The following ZNF521 variants were observed in gnomAD, a reference collection of about 807,000 sequenced individuals.
ZNF521 encodes zinc finger protein 521.
In ZNF521, 14 loss-of-function variants were observed where a neutral mutation model predicts 105.5. That is an observed-to-expected ratio of 0.13 (90% CI 0.09 to 0.21). The LOEUF is 0.21. Ranked by LOEUF, ZNF521 falls within the 10% of genes least tolerant of loss-of-function variation. ZNF521 has a pLI of 1.00. For synonymous variants in ZNF521, 635 were observed against 606.0 expected (o/e 1.05, Z -0.70); for missense variants, 1,233 against 1,629.7 (o/e 0.76, Z 4.19).
chr18:25,212,538 A>AAAAAAAAT (rs1555647923), intron 4 of ZNF521, among the ~76,000 whole-genome samples: 7 of 48,130 alleles, frequency 1.5e-4, no homozygotes, highest in Non-Finnish European at 1.9e-4. Flanking sequence ...AAAAAAAAAA[A>AAAAAAAAT]ATATATATAT....
At chr18:25,285,343 G>A (rs1600257544) in intron 3 of ZNF521, among the ~76,000 whole-genome samples, 1 of 152,148 alleles carries the variant, frequency 6.6e-6, no homozygotes, top group Non-Finnish European at 1.5e-5. Flanking sequence ...GAACCTCGGG[G>A]GACTCCAGCA....
chr18:25,345,797 A>G (rs1202610826), intron 2 of ZNF521, among the ~76,000 whole-genome samples: 1 of 152,228 alleles, frequency 6.6e-6, no homozygotes, highest in Non-Finnish European at 1.5e-5. Context: ...GGGAAGAAAC[A>G]GTCACTGGTT....
chr18:25,270,382 T>G (rs1001095655), intron 3 of ZNF521, among the ~76,000 whole-genome samples: 2 of 152,176 alleles, frequency 1.3e-5, no homozygotes, highest in South Asian at 4.1e-4. Context: ...TCTGAAACTA[T>G]TCCAAACAAT....
chr18:25,301,117 T>G (rs924322901), intron 3 of ZNF521, among the ~76,000 whole-genome samples: 2 of 152,214 alleles, frequency 1.3e-5, no homozygotes, highest in Admixed American at 1.3e-4. Flanking sequence ...ATACCCAGTT[T>G]TACGGTGTTT....
chr18:25,118,035 C>A (rs1207648524), intron 5 of ZNF521, among the ~76,000 whole-genome samples: 1 of 151,736 alleles, frequency 6.6e-6, no homozygotes, highest in Non-Finnish European at 1.5e-5. Context: ...AAAAACAAAC[C>A]CCAAACTCAT....
intron 5 of ZNF521, among the ~76,000 whole-genome samples, chr18:25,108,769 C>T (rs1456331315): frequency 2.7e-5 from 3 of 112,342 alleles, no homozygotes; most frequent in South Asian, 8.3e-4. Flanking sequence ...GGACTACAGG[C>T]GTGTGTCACC....
At chr18:25,330,426 A>C (rs2145173528) in intron 2 of ZNF521, among the ~76,000 whole-genome samples, 1 of 151,910 alleles carries the variant, frequency 6.6e-6, no homozygotes, top group Admixed American at 6.6e-5. Context: ...AGCTGCCCAA[A>C]GTGCTGGGAT....
intron 3 of ZNF521, among the ~76,000 whole-genome samples, chr18:25,290,594 A>G (rs1476370124): frequency 2.0e-5 from 3 of 150,160 alleles, no homozygotes; most frequent in Non-Finnish European, 4.4e-5. Flanking sequence ...TTTGATGCAC[A>G]GTAGGCCATA....
At chr18:25,209,673 C>G (rs1323886980) in intron 4 of ZNF521, among the ~76,000 whole-genome samples, 1 of 152,122 alleles carries the variant, frequency 6.6e-6, no homozygotes, top group Non-Finnish European at 1.5e-5. Context: ...CCAATTTTTA[C>G]TTGACTTAAA....
chr18:25,070,248 C>T (rs1483274872), intron 7 of ZNF521, among the ~76,000 whole-genome samples: 2 of 152,184 alleles, frequency 1.3e-5, no homozygotes, highest in African/African-American at 2.4e-5. Context: ...TCATACCTCC[C>T]ATAGGAAACA....
rs545133448 is a variant in ZNF521 at position 25,319,718 on chromosome 18, T to C, written c.220+2290A>G. Among the ~76,000 whole-genome samples the C allele has an allele frequency of 7.9e-5, 12 of 152,342 alleles. 1 individual carries two copies. The East Asian group carries it at 2.1e-3, about 27-fold the overall frequency. On this transcript the variant is annotated intron_variant, in intron 3 of 7. Coordinates refer to ENST00000361524, the MANE Select transcript of ZNF521 (RefSeq NM_015461.3). ...ATACAAAGAGAAAATGGTAACTTTA[T>C]AATGGAAACTGTTGGCAGATACCAC...
intron 5 of ZNF521, among the ~76,000 whole-genome samples, chr18:25,095,386 C>T (rs2033830376): frequency 6.6e-6 from 1 of 152,054 alleles, no homozygotes; most frequent in East Asian, 1.9e-4. Flanking sequence ...ATAATACAGC[C>T]TGACTCATTT....
chr18:25,332,133 A>T (rs1261644712), intron 2 of ZNF521, among the ~76,000 whole-genome samples: 2 of 151,946 alleles, frequency 1.3e-5, no homozygotes, highest in South Asian at 4.1e-4. Context: ...AACTGCCATT[A>T]AAAAGAAAAA....
intron 5 of ZNF521, among the ~76,000 whole-genome samples, chr18:25,183,389 C>A (rs1416433719): frequency 6.6e-6 from 1 of 152,162 alleles, no homozygotes; most frequent in East Asian, 1.9e-4. Flanking sequence ...ATGCTAACAG[C>A]ACTTTGACTT....
At chr18:25,116,963 GTATATATATGTA>G (rs1215645468) in intron 5 of ZNF521, among the ~76,000 whole-genome samples, 2 of 85,760 alleles carry the variant, frequency 2.3e-5, no homozygotes, top group African/African-American at 5.4e-5. Context: ...ATGTATATAT[GTATATATATGTA>G]TATATATATA....
chr18:25,231,689 T>C (rs1906538127), intron 3 of ZNF521, among the ~76,000 whole-genome samples: 1 of 151,862 alleles, frequency 6.6e-6, no homozygotes, highest in African/African-American at 2.4e-5. Context: ...AATTAGAAAA[T>C]AAGATCAAAG....
In ZNF521 at chr18:25,180,523, A is replaced by C. The variant is rs536667666; in HGVS notation, c.3658+14637T>G. Among the ~76,000 whole-genome samples the C allele has an allele frequency of 5.3e-5, 8 of 152,084 alleles. No individual in the cohort carries two copies. The East Asian group carries it at 5.8e-4, about 11-fold the overall frequency. ...GTTTTTATCTCTTGCAAAAAAAAAA[A>C]ACCCCACATTTATTTCCAATGCCTC... On this transcript the variant is annotated intron_variant, in intron 5 of 7. Coordinates refer to ENST00000361524, the MANE Select transcript of ZNF521 (RefSeq NM_015461.3).
At chr18:25,177,235 C>T (rs1479803250) in intron 5 of ZNF521, among the ~76,000 whole-genome samples, 2 of 152,054 alleles carry the variant, frequency 1.3e-5, no homozygotes, top group African/African-American at 4.8e-5. Context: ...GTATCTTTCC[C>T]TGAACTGAAG....
At chr18:25,176,770 G>C (rs1419999729) in intron 5 of ZNF521, among the ~76,000 whole-genome samples, 2 of 152,194 alleles carry the variant, frequency 1.3e-5, no homozygotes, top group African/African-American at 4.8e-5. Flanking sequence ...CGGCCGCCCC[G>C]GTGTTGCTTT....
Sources: gnomAD v4.1 joint callset for allele counts (sites outside exome capture counted in the v4.1 genomes callset) on GRCh38, gnomAD v4.1.1 for gene constraint, MANE v1.5 for transcripts, NCBI Gene and HGNC (gene_info 2026-07-23, HGNC 2026-07-21) for gene names.